DPP10: variants seen among roughly 807,000 people sequenced by gnomAD.
The protein encoded by DPP10 is dipeptidyl peptidase like 10.
A neutral mutation model predicts 120.9 loss-of-function variants in DPP10; 33 were observed. The observed-to-expected ratio is 0.27, with a 90% CI of 0.21 to 0.37. The LOEUF is 0.37. Among genes scored for constraint, DPP10 ranks in the 10% least tolerant of loss-of-function variants. The pLI, the probability that DPP10 is intolerant of heterozygous loss-of-function variation, is 1.00. For missense variants in DPP10, 816 were observed against 942.8 expected (o/e 0.87, Z 1.76); for synonymous variants, 337 against 326.1 (o/e 1.03, Z -0.36).
chr2:114,649,449 C>T (rs1439280337), intron 1 of DPP10, among the ~76,000 whole-genome samples: 1 of 151,652 alleles, frequency 6.6e-6, no homozygotes, highest in African/African-American at 2.4e-5. Flanking sequence ...CCCGGGTTCA[C>T]GCCATTCTCC....
At chr2:114,711,025 T>C (rs1323496200) in intron 1 of DPP10, among the ~76,000 whole-genome samples, 1 of 152,160 alleles carries the variant, frequency 6.6e-6, no homozygotes, top group Admixed American at 6.5e-5. Context: ...ACACAGTTAT[T>C]TGTGCTTTAA....
chr2:115,223,440 A>G (rs937704837), intron 1 of DPP10, among the ~76,000 whole-genome samples: 1 of 152,134 alleles, frequency 6.6e-6, no homozygotes, highest in Non-Finnish European at 1.5e-5. Flanking sequence ...TTTCCTAAGA[A>G]TGGATTAACT....
At chr2:115,632,274 C>T (rs2085936997) in intron 5 of DPP10, among the ~76,000 whole-genome samples, 1 of 152,076 alleles carries the variant, frequency 6.6e-6, no homozygotes. Flanking sequence ...GTTAAATTTT[C>T]CCCCATCCCT....
chr2:115,682,709 A>AT (rs1187524107), intron 5 of DPP10, among the ~76,000 whole-genome samples: 1 of 151,804 alleles, frequency 6.6e-6, no homozygotes, highest in Non-Finnish European at 1.5e-5. Flanking sequence ...TGTCCAGGTG[A>AT]TTTTTGGTAT....
At chr2:114,956,371 C>A (rs867144927) in intron 1 of DPP10, among the ~76,000 whole-genome samples, 5 of 146,116 alleles carry the variant, frequency 3.4e-5, no homozygotes, top group Non-Finnish European at 6.0e-5. Context: ...AAAAAAAAAA[C>A]ATGTAGGAGT....
intron 1 of DPP10, among the ~76,000 whole-genome samples, chr2:114,717,340 A>G (rs1181911088): frequency 6.6e-6 from 1 of 152,222 alleles, no homozygotes; most frequent in South Asian, 2.1e-4. Context: ...ACTTAGACAC[A>G]GAGCATCTAC....
chr2:115,298,228 G>A (rs1005293238), intron 1 of DPP10, among the ~76,000 whole-genome samples: 3 of 152,018 alleles, frequency 2.0e-5, no homozygotes, highest in Non-Finnish European at 2.9e-5. Context: ...AAAATAACAC[G>A]TATGGAGGAA....
chr2:114,758,014 C>T (rs1679944774), intron 1 of DPP10, among the ~76,000 whole-genome samples: 1 of 152,080 alleles, frequency 6.6e-6, no homozygotes, highest in Non-Finnish European at 1.5e-5. Flanking sequence ...TGTGAGCCTC[C>T]CTCTATGTTA....
intron 5 of DPP10, among the ~76,000 whole-genome samples, chr2:115,632,826 A>G (rs1422327755): frequency 2.0e-5 from 3 of 152,192 alleles, no homozygotes; most frequent in Non-Finnish European, 2.9e-5. Context: ...AGACACATGA[A>G]AAAATGCTCA....
rs201308501 is a variant in DPP10 at position 115,534,111 on chromosome 2, T to A, written c.441+8139T>A. ...CTTTTATTTATTTTTTTATTTTTTA[T>A]TTTTTTTTATTATTATACTTCAAGT... On this transcript the variant is annotated intron_variant, in intron 5 of 25. Transcript: ENST00000410059. Among the ~76,000 whole-genome samples the A allele has an allele frequency of 2.6e-4, 39 of 148,888 alleles. 1 individual carries two copies. The highest frequency in any genetic ancestry group is 8.9e-4 in the African/African-American group (35 of 39,492).
intron 2 of DPP10, among the ~76,000 whole-genome samples, chr2:115,334,228 C>CTTTTTTTTTTTTTTTTTTTTT (rs1393213758): frequency 4.5e-5 from 1 of 22,340 alleles, no homozygotes; most frequent in African/African-American, 1.1e-4. Context: ...AGAGCAGACT[C>CTTTTTTTTTTTTTTTTTTTTT]TGTTTTTTTT....
At chr2:115,704,253 A>T (rs922564878) in intron 7 of DPP10, among the ~76,000 whole-genome samples, 1 of 151,510 alleles carries the variant, frequency 6.6e-6, no homozygotes, top group Admixed American at 6.6e-5. Flanking sequence ...AAAAAAAAAA[A>T]TTTCCTTCAA....
intron 1 of DPP10, among the ~76,000 whole-genome samples, chr2:114,612,579 G>T (rs1255025067): frequency 6.6e-6 from 1 of 152,074 alleles, no homozygotes; most frequent in Non-Finnish European, 1.5e-5. Flanking sequence ...TAGAGGTAAG[G>T]CTATCCTAAA....
intron 1 of DPP10, among the ~76,000 whole-genome samples, chr2:115,026,314 A>T (rs1703454604): frequency 6.6e-6 from 1 of 151,654 alleles, no homozygotes; most frequent in Non-Finnish European, 1.5e-5. Flanking sequence ...TCTAGGTACC[A>T]TTGAGTTGGG....
intron 1 of DPP10, among the ~76,000 whole-genome samples, chr2:114,949,575 G>C (rs1247396990): frequency 6.6e-6 from 1 of 152,178 alleles, no homozygotes; most frequent in Non-Finnish European, 1.5e-5. Context: ...GGCCTGAGTG[G>C]TGGGCCCCAA....
chr2:114,683,547 CCT>C lies in DPP10; in HGVS notation c.60+240719_60+240720del, dbSNP rs991767915. On this transcript the variant is annotated intron_variant, in intron 1 of 25. Transcript: ENST00000410059. ...CTCTCCCTTCCTTCCTTCCTTCCTC[CCT>C]CTCTCTCTCCCTCCCTCCCTCCCTC... Among the ~76,000 whole-genome samples, 577 of 147,830 alleles carry C rather than the reference CCT, an allele frequency of 3.9e-3. 4 individuals are homozygous for C. The highest frequency in any genetic ancestry group is 0.014 in the African/African-American group (542 of 40,076).
chr2:115,804,968 G>A (rs995359420), intron 19 of DPP10, among the ~76,000 whole-genome samples: 17 of 152,158 alleles, frequency 1.1e-4, no homozygotes, highest in Non-Finnish European at 1.9e-4. Context: ...TGTCAGACAG[G>A]GACATTTAAG....
rs561547539 is a variant in DPP10, at chr2:114,540,878, A to G, written c.60+98040A>G. Among the ~76,000 whole-genome samples the G allele has an allele frequency of 4.6e-5, 7 of 152,286 alleles. No homozygotes were observed. The South Asian group carries it at 1.5e-3, about 32-fold the overall frequency. The stretch of plus-strand genomic sequence containing the variant: ...TATTGTCCAATCTCTTCTTAGTCTT[A>G]CCTTCACTAAAGGCTGTGAACTGCC... On this transcript the variant is annotated intron_variant, in intron 1 of 25. Transcript: ENST00000410059.
At position 115,269,363 on chromosome 2, in the gene DPP10, C is replaced by G. The variant is rs560563603; in HGVS notation, c.61-39876C>G. On this transcript the variant is annotated intron_variant, in intron 1 of 25. Transcript: ENST00000410059. The stretch of plus-strand genomic sequence containing the variant: ...TCTATTGCTCCATAACAAATAATTC[C>G]AGACTTTCTGGCTTAAAACTACTCA... 3.9e-5 allele frequency among the ~76,000 whole-genome samples: 6 copies of G among 152,172 alleles called. No homozygotes were observed. In the South Asian group the frequency reaches 1.2e-3, roughly 32 times the overall value.
Sources: gnomAD v4.1 joint callset for allele counts (sites outside exome capture counted in the v4.1 genomes callset) on GRCh38, gnomAD v4.1.1 for gene constraint, MANE v1.5 for transcripts, NCBI Gene and HGNC (gene_info 2026-07-23, HGNC 2026-07-21) for gene names.